PRKN: variants seen among roughly 807,000 people sequenced by gnomAD.
The protein encoded by PRKN is E3 ubiquitin-protein ligase parkin.
A neutral mutation model predicts 59.5 loss-of-function variants in PRKN; 56 were observed. The observed-to-expected ratio is 0.94, with a 90% CI of 0.76 to 1.18. PRKN has a LOEUF of 1.18. Ranked by LOEUF, PRKN falls within the 50% of genes most tolerant of loss-of-function variation. The pLI, the probability that PRKN is intolerant of heterozygous loss-of-function variation, is 0.00. For synonymous variants in PRKN, 250 were observed against 222.1 expected, an observed-to-expected ratio of 1.13 and a Z score of -1.12; for missense variants, 657 against 596.4, an observed-to-expected ratio of 1.10 and a Z score of -1.06.
intron 6 of PRKN, among the ~76,000 whole-genome samples, chr6:161,961,935 G>A (rs983455785): frequency 3.9e-5 from 6 of 152,068 alleles, no homozygotes; most frequent in Non-Finnish European, 5.9e-5. Flanking sequence ...AATCCACATC[G>A]AGATCTAGAA....
chr6:162,154,032 C>T (rs1479176620), intron 4 of PRKN, among the ~76,000 whole-genome samples: 1 of 152,156 alleles, frequency 6.6e-6, no homozygotes, highest in Non-Finnish European at 1.5e-5. Flanking sequence ...AAAGGTGGGG[C>T]TTTGCCAGGG....
chr6:162,374,328 T>C (rs1432846570), intron 2 of PRKN, among the ~76,000 whole-genome samples: 6 of 151,880 alleles, frequency 4.0e-5, no homozygotes, highest in Non-Finnish European at 4.4e-5. Flanking sequence ...AGGATTAGAG[T>C]AGAAGGAACC....
chr6:162,598,423 G>A (rs1781569105), intron 1 of PRKN, among the ~76,000 whole-genome samples: 1 of 152,146 alleles, frequency 6.6e-6, no homozygotes, highest in Non-Finnish European at 1.5e-5. Context: ...GAAAAACACA[G>A]AAAAATTGCT....
intron 8 of PRKN, among the ~76,000 whole-genome samples, chr6:161,553,489 T>C (rs747032724): frequency 2.6e-5 from 4 of 152,144 alleles, no homozygotes; most frequent in Non-Finnish European, 5.9e-5. Context: ...TACTACTTCA[T>C]AGATGGTGTT....
At chr6:161,685,894 T>C (rs1785532579) in intron 7 of PRKN, among the ~76,000 whole-genome samples, 1 of 152,190 alleles carries the variant, frequency 6.6e-6, no homozygotes, top group African/African-American at 2.4e-5. Flanking sequence ...AATTTTGTAC[T>C]CCAGGCCAAT....
At chr6:161,718,585 A>ATTC (rs1420310352) in intron 7 of PRKN, among the ~76,000 whole-genome samples, 1 of 132,058 alleles carries the variant, frequency 7.6e-6, no homozygotes, top group African/African-American at 4.0e-5. Flanking sequence ...TCTCAGGGTC[A>ATTC]TTCTCATTCC....
chr6:162,343,777 A>G (rs1243189234), intron 2 of PRKN, among the ~76,000 whole-genome samples: 1 of 152,190 alleles, frequency 6.6e-6, no homozygotes, highest in African/African-American at 2.4e-5. Flanking sequence ...AATGCAAGAT[A>G]TGCAAAATTT....
At chr6:162,163,174 AC>A (rs1782831568) in intron 4 of PRKN, among the ~76,000 whole-genome samples, 1 of 149,246 alleles carries the variant, frequency 6.7e-6, no homozygotes, top group Non-Finnish European at 1.5e-5. Context: ...AGTGTCTCTA[AC>A]TTCCTGTATA....
chr6:161,581,366 T>C lies in PRKN; in HGVS notation c.872-11950A>G, dbSNP rs1781332906. 6.6e-6 allele frequency among the ~76,000 whole-genome samples: 1 copy of C among 152,238 alleles called. No homozygotes were observed. The highest frequency in any genetic ancestry group is 2.1e-4 in the South Asian group (1 of 4,834). ...GTTCACAAAGTGTTTGTCTCCATTG[T>C]ATTTGCTGTTTTTGTGTTTGGTTAT... On this transcript the variant is annotated intron_variant, in intron 7 of 11. Coordinates refer to ENST00000366898, the MANE Select transcript of PRKN (RefSeq NM_004562.3). The surrounding 1 kb of genome is among the most constrained non-coding windows in gnomAD (Gnocchi z 4.5).
At chr6:162,450,674 G>A (rs1343358637) in intron 1 of PRKN, among the ~76,000 whole-genome samples, 4 of 152,210 alleles carry the variant, frequency 2.6e-5, no homozygotes, top group East Asian at 1.9e-4. Flanking sequence ...ATTGAGGGAC[G>A]TTGTAAAAAA....
chr6:161,615,156 T>G (rs1188876732), intron 7 of PRKN, among the ~76,000 whole-genome samples: 1 of 152,172 alleles, frequency 6.6e-6, no homozygotes, highest in Non-Finnish European at 1.5e-5. Flanking sequence ...AACCTACACA[T>G]TTTTCTTTTA....
chr6:161,495,784 A>C (rs776419440), intron 9 of PRKN, among the ~76,000 whole-genome samples: 1 of 151,900 alleles, frequency 6.6e-6, no homozygotes, highest in African/African-American at 2.4e-5. Flanking sequence ...ATTTACTTTC[A>C]TCATTTCTAG....
rs900199486 is a variant in PRKN at position 161,503,582 on chromosome 6, G to A, written c.1083+45272C>T. ...TTTAACAGAGGTTTATGGAGGTGAG[G>A]GACTGGACTGAGGGGGCTATGGGGG... On this transcript the variant is annotated intron_variant, in intron 9 of 11. Transcript: ENST00000366898. The surrounding 1 kb of genome is among the most constrained non-coding windows in gnomAD (Gnocchi z 5.1). Among the ~76,000 whole-genome samples, 4 of 152,152 alleles carry A rather than the reference G, an allele frequency of 2.6e-5. No homozygotes were observed. Among genetic ancestry groups the A allele is most frequent in the Non-Finnish European group, 5.9e-5 (4 of 68,040 alleles).
intron 1 of PRKN, among the ~76,000 whole-genome samples, chr6:162,543,832 G>A (rs1288184926): frequency 6.6e-6 from 1 of 152,064 alleles, no homozygotes; most frequent in Non-Finnish European, 1.5e-5. Context: ...GTTTTGGAAA[G>A]CTAAACAAAC....
At chr6:162,239,777 G>A (rs775545107) in intron 3 of PRKN, among the ~76,000 whole-genome samples, 1 of 151,572 alleles carries the variant, frequency 6.6e-6, no homozygotes, top group African/African-American at 2.4e-5. Flanking sequence ...CAGCTGAAAC[G>A]GGTGTTCTCA....
intron 1 of PRKN, among the ~76,000 whole-genome samples, chr6:162,550,458 T>TG (rs1779293204): frequency 6.6e-6 from 1 of 152,104 alleles, no homozygotes; most frequent in Non-Finnish European, 1.5e-5. Flanking sequence ...TTGTCCCGTT[T>TG]GGGGGATGGG....
At position 161,417,741 on chromosome 6, in the gene PRKN, G is replaced by C. The variant is rs1787916437; in HGVS notation, c.1084-30864C>G. ...AGGCTGCCAATTAGTCATCCCTCCGGCCCCCCTGGGTTTTAACCTCTAGAC... is the reference window on the plus strand; with the variant it reads ...AGGCTGCCAATTAGTCATCCCTCCGCCCCCCCTGGGTTTTAACCTCTAGAC... On this transcript the variant is annotated intron_variant, in intron 9 of 11. Transcript: ENST00000366898. This position sits in a 1 kb window ranked among gnomAD's most constrained non-coding sequence, Gnocchi z 5.4. 2.6e-5 allele frequency among the ~76,000 whole-genome samples: 4 copies of C among 152,088 alleles called. No homozygotes were observed.
At chr6:161,829,872 C>A (rs4642445) in intron 6 of PRKN, among the ~76,000 whole-genome samples, 149 of 147,910 alleles carry the variant, frequency 1.0e-3, no homozygotes, top group Admixed American at 2.7e-3. Flanking sequence ...AAAAAAAATG[C>A]CAATACAAGA....
At chr6:162,063,817 T>C (rs996464739) in intron 4 of PRKN, among the ~76,000 whole-genome samples, 6 of 152,232 alleles carry the variant, frequency 3.9e-5, no homozygotes, top group Non-Finnish European at 7.3e-5. Flanking sequence ...AGTTCCGGGA[T>C]TACAGGCAAG....
Sources: allele counts gnomAD v4.1 joint callset (sites outside exome capture counted in the v4.1 genomes callset), GRCh38; gene constraint gnomAD v4.1.1; non-coding constraint Gnocchi (gnomAD v3.1); transcripts MANE v1.5; gene names NCBI Gene and HGNC (gene_info 2026-07-23, HGNC 2026-07-21).